TRRAP: variants seen among roughly 807,000 people sequenced by gnomAD.
TRRAP encodes transformation/transcription domain associated protein, also known as transformation/transcription domain-associated protein.
A neutral mutation model predicts 438.8 loss-of-function variants in TRRAP; 41 were observed. The observed-to-expected ratio is 0.09, with a 90% CI of 0.07 to 0.12. The LOEUF is 0.12. TRRAP is among the 10% of genes least tolerant of loss of function. TRRAP has a pLI of 1.00. For missense variants in TRRAP, 3,122 were observed against 5,055.1 expected (o/e 0.62, Z 11.60); for synonymous variants, 1,994 against 1,962.9 (o/e 1.02, Z -0.42).
Position 98,967,515 on chromosome 7 carries a change from G to A in TRRAP, c.7329G>A (p.Thr2443=), listed in dbSNP as rs147466222. The part of the protein sequence containing the change: ...RDETLSGSEL[T]AKLEPAFLSG... ...AGACCCTCTCTGGCAGCGAGCTGAC[G>A]GCGAAACTTGAGCCTGCCTTTCTCT... The change falls in exon 51 of 73, where the codon ACG becomes ACA. Residue 2443 remains threonine, a synonymous_variant. Transcript: ENST00000456197. 1.4e-4 allele frequency: 232 copies of A among 1,613,792 alleles called. No individual in the cohort carries two copies. Among genetic ancestry groups the A allele is most frequent in the Non-Finnish European group, 1.8e-4 (216 of 1,180,022 alleles).
In TRRAP at chr7:98,953,179, G is replaced by A; in HGVS notation, c.5476G>A (p.Glu1826Lys). 1.2e-6 allele frequency: 2 copies of A among 1,612,678 alleles called. No homozygotes were observed. Among genetic ancestry groups the A allele is most frequent in the Non-Finnish European group, 1.7e-6 (2 of 1,179,952 alleles). The stretch of plus-strand genomic sequence containing the variant: ...TGTCCCTGCACAGGTCCTGGACCCC[G>A]AGAAGCAGGCGGACATGCTGGACTC... ...SVFITKVLDP[E>K]KQADMLDSLR... Residue 1826 changes from glutamate to lysine, a missense_variant, in exon 40 of 73, where the codon GAG becomes AAG. Physicochemically the swap from Glu to Lys is moderately conservative, Grantham distance 56. Coordinates refer to ENST00000456197, the MANE Select transcript of TRRAP (RefSeq NM_001375524.1).
At chr7:98,965,217 T>C (rs1792098654) in intron 48 of TRRAP, among the ~76,000 whole-genome samples, 1 of 152,266 alleles carries the variant, frequency 6.6e-6, no homozygotes, top group African/African-American at 2.4e-5. Flanking sequence ...AGTTGGACTT[T>C]TAGATGCTGC....
rs1791630304 is a variant in TRRAP at position 98,956,611 on chromosome 7, G to A, written c.6231+78G>A. 15 of 1,542,512 alleles carry A rather than the reference G, an allele frequency of 9.7e-6. No individual in the cohort carries two copies. Among genetic ancestry groups the A allele is most frequent in the Non-Finnish European group, 1.3e-5 (15 of 1,148,914 alleles). Reference sequence around the variant, plus strand: ...CGTTTATTCCCTATATTTAGAATGTGAGCTCGGTGCTCAGCTGCATTCAGG... The same window carrying A: ...CGTTTATTCCCTATATTTAGAATGTAAGCTCGGTGCTCAGCTGCATTCAGG... On this transcript the variant is annotated intron_variant, in intron 43 of 72. Coordinates refer to ENST00000456197, the MANE Select transcript of TRRAP (RefSeq NM_001375524.1). The surrounding 1 kb of genome is among the most constrained non-coding windows in gnomAD (Gnocchi z 4.5).
chr7:98,950,401 A>G, intron 38 of TRRAP, 139 bp downstream of exon 38: 1 of 1,026,866 alleles, frequency 9.7e-7, no homozygotes, highest in Middle Eastern at 3.2e-4. Context: ...ATGTGCCTGT[A>G]ATCCCAGGTA....
intron 58 of TRRAP, among the ~76,000 whole-genome samples, chr7:98,979,493 T>C (rs1411568352): frequency 6.6e-6 from 1 of 152,210 alleles, no homozygotes; most frequent in African/African-American, 2.4e-5. Flanking sequence ...CAGATGCAGT[T>C]TTTTTTCCCC....
chr7:98,931,009 G>C (rs1790299058), intron 25 of TRRAP, among the ~76,000 whole-genome samples, 179 bp downstream of exon 25: 1 of 152,166 alleles, frequency 6.6e-6, no homozygotes, highest in Admixed American at 6.5e-5. Context: ...GGCCTTCTGT[G>C]GGTATCTAAA....
At chr7:98,969,649 C>G (rs534455584) in intron 51 of TRRAP, among the ~76,000 whole-genome samples, 2 of 151,254 alleles carry the variant, frequency 1.3e-5, no homozygotes, top group Non-Finnish European at 2.9e-5. Flanking sequence ...AGTGGCCCAA[C>G]TGCAGAGGCA....
chr7:98,891,640 A>G (rs575695987), intron 4 of TRRAP, among the ~76,000 whole-genome samples: 1 of 146,686 alleles, frequency 6.8e-6, no homozygotes, highest in African/African-American at 2.6e-5. Context: ...GGTTCACACC[A>G]TTCTCCTGCC....
intron 8 of TRRAP, 27 bp from the exon 9 acceptor site, chr7:98,899,395 C>G: frequency 6.2e-7 from 1 of 1,610,588 alleles, no homozygotes; most frequent in Non-Finnish European, 8.5e-7. Flanking sequence ...AATGGTAACC[C>G]GGGTCCTACC....
In TRRAP at chr7:98,962,369, C is replaced by T. The variant is rs1791938589; in HGVS notation, c.6771C>T (p.Ile2257=). The T allele has an allele frequency of 6.2e-7, 1 of 1,614,092 alleles. No individual in the cohort carries two copies. Among genetic ancestry groups the T allele is most frequent in the Admixed American group, 1.7e-5 (1 of 60,006 alleles). Residue 2257 remains isoleucine, a synonymous_variant, in exon 47 of 73, where the codon ATC becomes ATT. Coordinates refer to ENST00000456197, the MANE Select transcript of TRRAP (RefSeq NM_001375524.1). ...ECLYAAVGKV[I]YEGLTNYEKA... is the part of the protein sequence containing the mutation. ...TCTACGCAGCCGTCGGAAAGGTCATCTATGAAGGGCTCACCAACTACGAGA... is the reference window on the plus strand; with the variant it reads ...TCTACGCAGCCGTCGGAAAGGTCATTTATGAAGGGCTCACCAACTACGAGA...
At chr7:98,897,029 G>A (rs1554405852) in intron 7 of TRRAP, among the ~76,000 whole-genome samples, 2 of 152,110 alleles carry the variant, frequency 1.3e-5, no homozygotes, top group African/African-American at 4.8e-5. Flanking sequence ...GATGCTGGGA[G>A]TTCGAGACCA....
intron 67 of TRRAP, among the ~76,000 whole-genome samples, chr7:98,997,527 C>T (rs1226717849): frequency 5.7e-5 from 8 of 141,156 alleles, no homozygotes; most frequent in African/African-American, 8.1e-5. Flanking sequence ...AGTAGGAAGC[C>T]GAATTCCCAT....
At chr7:98,952,810 T>G (rs1791398991) in intron 39 of TRRAP, among the ~76,000 whole-genome samples, 1 of 152,086 alleles carries the variant, frequency 6.6e-6, no homozygotes, top group Admixed American at 6.5e-5. Context: ...TAAGATAAGG[T>G]GAACGTGGGG....
At chr7:98,958,580 A>G (rs1387922581) in intron 44 of TRRAP, among the ~76,000 whole-genome samples, 2 of 152,192 alleles carry the variant, frequency 1.3e-5, no homozygotes, top group East Asian at 3.8e-4. Flanking sequence ...GATTGCAGGC[A>G]TGAGCCACCG....
At chr7:98,913,862 C>G (rs1217822670) in intron 18 of TRRAP, among the ~76,000 whole-genome samples, 3 of 152,088 alleles carry the variant, frequency 2.0e-5, no homozygotes, top group African/African-American at 7.2e-5. Context: ...AGAATAAAAA[C>G]CTTATAAAAA....
intron 56 of TRRAP, among the ~76,000 whole-genome samples, chr7:98,977,365 T>G (rs191121109): frequency 1.9e-3 from 296 of 152,336 alleles, no homozygotes; most frequent in African/African-American, 6.4e-3. Context: ...TTTTGCCATG[T>G]TGGCCGTGCT....
At chr7:98,921,567 G>A (rs577899386) in intron 20 of TRRAP, among the ~76,000 whole-genome samples, 186 bp from the exon 21 acceptor site, 14 of 152,118 alleles carry the variant, frequency 9.2e-5, no homozygotes, top group Non-Finnish European at 1.5e-4. Context: ...GTAGAGGTGG[G>A]GTTTTGCCCT....
chr7:98,965,904 G>C lies in TRRAP; in HGVS notation c.7176+9G>C, dbSNP rs1364390009. On this transcript the variant is annotated intron_variant, in intron 49 of 72. Coordinates refer to ENST00000456197, the MANE Select transcript of TRRAP (RefSeq NM_001375524.1). ...CAATGGCAGCCAATCAGGTGAGCTG[G>C]GACGGTGTGCCATGTGATCTCCCTT... 6.2e-7 allele frequency: 1 copy of C among 1,613,932 alleles called. No individual in the cohort carries two copies. Among genetic ancestry groups the C allele is most frequent in the Non-Finnish European group, 8.5e-7 (1 of 1,179,916 alleles).
intron 57 of TRRAP, 152 bp downstream of exon 57, chr7:98,978,475 T>C: frequency 1.3e-6 from 1 of 767,694 alleles, no homozygotes; most frequent in East Asian, 2.6e-5. Flanking sequence ...AACCAGCATT[T>C]AAAGCCTTGA....
Sources: allele counts gnomAD v4.1 joint callset (sites outside exome capture counted in the v4.1 genomes callset), GRCh38; gene constraint gnomAD v4.1.1; non-coding constraint Gnocchi (gnomAD v3.1); transcripts MANE v1.5; gene names NCBI Gene and HGNC (gene_info 2026-07-23, HGNC 2026-07-21).